Variants in TNR observed in about 807,000 individuals in gnomAD.
The protein encoded by TNR is tenascin R, also known as tenascin-R.
In TNR, 45 loss-of-function variants were observed where a neutral mutation model predicts 150.4. The observed-to-expected ratio is 0.30, with a 90% CI of 0.24 to 0.38. The LOEUF (loss-of-function observed/expected upper bound fraction) is 0.38. TNR is among the 10% of genes least tolerant of loss of function. TNR has a pLI of 1.00. For missense variants in TNR, 1,544 were observed against 1,759.1 expected (o/e 0.88, Z 2.19); for synonymous variants, 687 against 678.4 (o/e 1.01, Z -0.20).
At chr1:175,406,169 CCT>C (rs1557913164) in intron 3 of TNR, 45 bp downstream of exon 3, 2 of 1,586,098 alleles carry the variant, frequency 1.3e-6, no homozygotes, top group South Asian at 2.4e-5. Context: ...TCTGCTCAGC[CCT>C]CTCCTTCCCC....
intron 1 of TNR, among the ~76,000 whole-genome samples, chr1:175,709,410 C>T (rs1404532138): frequency 2.0e-5 from 3 of 151,990 alleles, no homozygotes; most frequent in African/African-American, 4.8e-5. Flanking sequence ...TCTACCTTTG[C>T]TTCAAACATA....
At chr1:175,683,116 T>G (rs994607267) in intron 1 of TNR, among the ~76,000 whole-genome samples, 5 of 152,128 alleles carry the variant, frequency 3.3e-5, no homozygotes, top group Non-Finnish European at 7.3e-5. Context: ...CCTGTCCACT[T>G]GAATGACTTT....
chr1:175,509,445 T>C (rs912868588), intron 2 of TNR, among the ~76,000 whole-genome samples: 4 of 152,226 alleles, frequency 2.6e-5, no homozygotes, highest in African/African-American at 9.6e-5. Flanking sequence ...CTCCGAGTTT[T>C]TCTCCTGCCT....
intron 1 of TNR, among the ~76,000 whole-genome samples, chr1:175,643,277 T>C (rs1348197723): frequency 6.6e-6 from 1 of 152,206 alleles, no homozygotes; most frequent in Non-Finnish European, 1.5e-5. Flanking sequence ...AGAGGACTTA[T>C]GTGACATCTT....
chr1:175,499,792 T>C (rs920586634), intron 2 of TNR, among the ~76,000 whole-genome samples: 2 of 152,162 alleles, frequency 1.3e-5, no homozygotes, highest in Non-Finnish European at 2.9e-5. Flanking sequence ...TTATTGTGGT[T>C]TCTCTTAGCA....
At chr1:175,346,382 G>T (rs1026781308) in intron 18 of TNR, among the ~76,000 whole-genome samples, 1 of 152,140 alleles carries the variant, frequency 6.6e-6, no homozygotes, top group Non-Finnish European at 1.5e-5. Flanking sequence ...AGAGTCTAGT[G>T]GGATTTGAGA....
intron 1 of TNR, among the ~76,000 whole-genome samples, chr1:175,647,435 C>CAAAAAAA (rs397745737): frequency 0.025 from 3,057 of 121,360 alleles, 94 homozygotes; most frequent in African/African-American, 0.066. Context: ...CTATTCGGTG[C>CAAAAAAA]AAAAAAAAAA....
chr1:175,516,877 A>G (rs1659428143), intron 2 of TNR, among the ~76,000 whole-genome samples: 1 of 152,204 alleles, frequency 6.6e-6, no homozygotes, highest in Admixed American at 6.5e-5. Context: ...AAACATGTGG[A>G]CATGTGCACA....
At chr1:175,577,710 AG>A (rs1662176816) in intron 1 of TNR, among the ~76,000 whole-genome samples, 1 of 152,096 alleles carries the variant, frequency 6.6e-6, no homozygotes, top group Non-Finnish European at 1.5e-5. Flanking sequence ...TAACTGTCAG[AG>A]TGTTCAGAAT....
In TNR at chr1:175,529,877, T is replaced by C. The variant is rs191532958; in HGVS notation, c.-164-1508A>G. Among the ~76,000 whole-genome samples, 11 of 152,348 alleles carry C rather than the reference T, an allele frequency of 7.2e-5. No homozygotes were observed. In the East Asian group the frequency reaches 2.1e-3, roughly 29 times the overall value. On this transcript the variant is annotated intron_variant, in intron 1 of 22. Coordinates refer to ENST00000367674, the MANE Select transcript of TNR (RefSeq NM_003285.3). Reference sequence around the variant, plus strand: ...GCATCAAAAGTCATGAAAAAAATTATGAAAATCCCCTTCACTTGAGTTTAT... The same window carrying C: ...GCATCAAAAGTCATGAAAAAAATTACGAAAATCCCCTTCACTTGAGTTTAT...
intron 1 of TNR, among the ~76,000 whole-genome samples, chr1:175,587,277 G>A (rs1374318320): frequency 6.6e-6 from 1 of 152,196 alleles, no homozygotes; most frequent in Non-Finnish European, 1.5e-5. Flanking sequence ...TACGTTAATT[G>A]AATTAAGGAA....
intron 2 of TNR, among the ~76,000 whole-genome samples, chr1:175,415,541 T>C (rs1654400584): frequency 6.6e-6 from 1 of 152,218 alleles, no homozygotes; most frequent in South Asian, 2.1e-4. Context: ...TGTATCCCCA[T>C]GTGGGAATCT....
At chr1:175,435,233 GA>G (rs1655450842) in intron 2 of TNR, among the ~76,000 whole-genome samples, 1 of 152,188 alleles carries the variant, frequency 6.6e-6, no homozygotes, top group Admixed American at 6.5e-5. Flanking sequence ...AAGGTGGCTT[GA>G]ACCTGGGTGG....
Position 175,391,402 on chromosome 1 carries a change from C to T in TNR, c.1393G>A (p.Asp465Asn), listed in dbSNP as rs779084932. 19 of 1,614,060 alleles carry T rather than the reference C, an allele frequency of 1.2e-5. No individual in the cohort carries two copies. The highest frequency in any genetic ancestry group is 1.7e-5 in the Admixed American group (1 of 60,004). ...EGGVIAQVPS[D>N]VTSFNQTGLK... ...CCTGTCTGGTTAAAGGACGTAACAT[C>T]GCTGGGGACCTGAGCAATCACTCCC... Residue 465 changes from aspartate (D) to asparagine (N), a missense_variant, in exon 7 of 23, where the codon GAT becomes AAT. Asp to Asn is a conservative substitution (Grantham distance 23, BLOSUM62 1). This residue lies in a region of TNR where 1,254 missense variants were observed against 1,329.4 expected (regional missense o/e 0.94). Coordinates refer to ENST00000367674, the MANE Select transcript of TNR (RefSeq NM_003285.3).
At chr1:175,431,927 C>CTCTCCT (rs147441639) in intron 2 of TNR, among the ~76,000 whole-genome samples, 1 of 151,954 alleles carries the variant, frequency 6.6e-6, no homozygotes, top group Non-Finnish European at 1.5e-5. Flanking sequence ...CTCTCTCTCT[C>CTCTCCT]TCTCTCTCCC....
At chr1:175,453,849 A>G (rs1656435517) in intron 2 of TNR, among the ~76,000 whole-genome samples, 1 of 152,182 alleles carries the variant, frequency 6.6e-6, no homozygotes, top group South Asian at 2.1e-4. Flanking sequence ...CTGGTGTTAC[A>G]GTCATGAGCC....
At position 175,321,391 on chromosome 1, in the gene TNR, G is replaced by T. The variant is rs553736338; in HGVS notation, c.*1966C>A. 1 of 152,352 alleles carries T rather than the reference G, an allele frequency of 6.6e-6. No homozygotes were observed. The highest frequency in any genetic ancestry group is 1.5e-5 in the Non-Finnish European group (1 of 68,058). 9.4% of individuals were successfully genotyped at this position (152,352 alleles called of 1,614,324 possible). A position where few individuals can be genotyped will look rare whatever the true frequency, so the allele number is the denominator to read the frequency against. ...GGGACTTTTCATCTTGGTTCTCAAA[G>T]CTTGGTAAGAGTGAGGATATTTCCA... On this transcript the variant is annotated 3_prime_UTR_variant, in exon 23 of 23. Coordinates refer to ENST00000367674, the MANE Select transcript of TNR (RefSeq NM_003285.3).
At chr1:175,346,830 C>T (rs1390244764) in intron 18 of TNR, among the ~76,000 whole-genome samples, 2 of 148,052 alleles carry the variant, frequency 1.4e-5, no homozygotes, top group African/African-American at 2.5e-5. Context: ...AAAACAATAA[C>T]AATGTGCCCA....
intron 1 of TNR, among the ~76,000 whole-genome samples, chr1:175,538,189 G>A (rs957420799): frequency 3.3e-5 from 5 of 152,150 alleles, no homozygotes; most frequent in Admixed American, 1.3e-4. Flanking sequence ...GTTGCTCTGT[G>A]CAGATGACAA....
Sources: allele counts gnomAD v4.1 joint callset (sites outside exome capture counted in the v4.1 genomes callset), GRCh38; gene constraint gnomAD v4.1.1; regional missense constraint gnomAD v4.1.1; transcripts MANE v1.5; gene names NCBI Gene and HGNC (gene_info 2026-07-23, HGNC 2026-07-21).